ARHGAP39: variants seen among roughly 807,000 people sequenced by gnomAD.
ARHGAP39 encodes the protein rho GTPase-activating protein 39.
ARHGAP39 carries 44 observed loss-of-function variants against 106.9 expected under a neutral mutation model. That is an observed-to-expected ratio of 0.41 (90% CI 0.32 to 0.53). ARHGAP39 has a LOEUF of 0.53. ARHGAP39 is among the 20% of genes least tolerant of loss of function. The pLI is 0.21. For synonymous variants in ARHGAP39, 768 were observed against 693.2 expected, an observed-to-expected ratio of 1.11 and a Z score of -1.69; for missense variants, 1,496 against 1,577.3, an observed-to-expected ratio of 0.95 and a Z score of 0.87.
intron 2 of ARHGAP39, among the ~76,000 whole-genome samples, chr8:144,601,923 G>GCA (rs1586601509): frequency 5.5e-5 from 8 of 144,948 alleles, no homozygotes; most frequent in East Asian, 2.1e-4. Flanking sequence ...GTACCTGTGT[G>GCA]TGTGCATGGA....
rs1160930126 is a variant in ARHGAP39, at chr8:144,547,537, G to A, written c.1549C>T (p.Leu517Phe). ...TCCTCGGCCAGGGGCTGCTCCACAA[G>A]CAGGTCCCCGGGGCCCTCAGTGGGG... The part of the protein sequence containing the change: ...ATPTEGPGDL[L>F]VEQPLAEEQP... The change falls in exon 5 of 12, where the codon CTT becomes TTT. Residue 517 changes from leucine to phenylalanine, a missense_variant. This residue lies in a region of ARHGAP39 where 905 missense variants were observed against 816.4 expected (regional missense o/e 1.11). Transcript: ENST00000377307. This position sits in a 1 kb window ranked among gnomAD's most constrained non-coding sequence, Gnocchi z 5.2. 3 of 1,477,688 alleles carry A rather than the reference G, an allele frequency of 2.0e-6. No homozygotes were observed. Among genetic ancestry groups the A allele is most frequent in the African/African-American group, 1.4e-5 (1 of 71,608 alleles). 91.5% of individuals were successfully genotyped at this position (1,477,688 alleles called of 1,614,324 possible). A position where few individuals can be genotyped will look rare whatever the true frequency, so the allele number is the denominator to read the frequency against.
intron 1 of ARHGAP39, among the ~76,000 whole-genome samples, chr8:144,643,744 T>C (rs1177616282): frequency 6.6e-6 from 1 of 152,226 alleles, no homozygotes; most frequent in Non-Finnish European, 1.5e-5. Context: ...GGACGTGTGA[T>C]AGAAGAAAAA....
At chr8:144,619,300 C>T (rs1042511068) in intron 1 of ARHGAP39, among the ~76,000 whole-genome samples, 1 of 152,244 alleles carries the variant, frequency 6.6e-6, no homozygotes, top group African/African-American at 2.4e-5. Context: ...TGCCAGAGGC[C>T]CCTCGCTCCG....
chr8:144,572,046 C>T (rs1818605839), intron 3 of ARHGAP39, among the ~76,000 whole-genome samples: 1 of 152,194 alleles, frequency 6.6e-6, no homozygotes, highest in South Asian at 2.1e-4. Flanking sequence ...ATTAAAATGG[C>T]CATACTGCCC....
At chr8:144,682,244 CA>C (rs1199836499) in intron 1 of ARHGAP39, among the ~76,000 whole-genome samples, 460 of 30,674 alleles carry the variant, frequency 0.015, 1 homozygote, top group Admixed American at 0.047. Flanking sequence ...GACTCTATCT[CA>C]AAAAAAAAAA....
chr8:144,602,187 CTGTG>C (rs1235822053), intron 2 of ARHGAP39, among the ~76,000 whole-genome samples: 1 of 81,892 alleles, frequency 1.2e-5, no homozygotes, highest in African/African-American at 5.0e-5. Context: ...GCTCGTGTAC[CTGTG>C]TGTGCATGGA....
chr8:144,622,617 G>A (rs183810498), intron 1 of ARHGAP39, among the ~76,000 whole-genome samples: 108 of 152,308 alleles, frequency 7.1e-4, no homozygotes, highest in African/African-American at 2.6e-3. Context: ...GTGGACACTT[G>A]CGTTCTGTCA....
chr8:144,562,259 C>T (rs1198191498), intron 3 of ARHGAP39, among the ~76,000 whole-genome samples: 1 of 83,834 alleles, frequency 1.2e-5, no homozygotes, highest in African/African-American at 3.0e-5. Flanking sequence ...CCAGTGGTTT[C>T]CATCGTGCTC....
intron 2 of ARHGAP39, among the ~76,000 whole-genome samples, chr8:144,603,011 G>A (rs573786152): frequency 1.4e-5 from 2 of 142,704 alleles, no homozygotes; most frequent in East Asian, 4.1e-4. Flanking sequence ...AGGTGTGTGT[G>A]CGAGCTCATG....
intron 2 of ARHGAP39, among the ~76,000 whole-genome samples, chr8:144,601,145 C>T (rs1449971307): frequency 7.6e-6 from 1 of 132,280 alleles, no homozygotes; most frequent in Non-Finnish European, 1.6e-5. Flanking sequence ...TGCATGTGTG[C>T]TCGTGTACCT....
intron 2 of ARHGAP39, among the ~76,000 whole-genome samples, chr8:144,599,717 G>A (rs1300890525): frequency 6.6e-6 from 1 of 152,160 alleles, no homozygotes; most frequent in Non-Finnish European, 1.5e-5. Context: ...CCATAATGAA[G>A]AAAAGAGAAA....
In ARHGAP39 at chr8:144,637,248, TGA is replaced by T. The variant is rs543744877; in HGVS notation, c.-81-31555_-81-31554del. Among the ~76,000 whole-genome samples, 337 of 152,386 alleles carry T rather than the reference TGA, an allele frequency of 2.2e-3. 1 individual carries two copies. Among genetic ancestry groups the T allele is most frequent in the Middle Eastern group, 0.014 (4 of 294 alleles). Reference sequence around the variant, plus strand: ...AACTCCAAATTTTTGCTCTATTTTCTGAGAGATTCTCAACTTTATCTTGCAAC... The same window carrying T: ...AACTCCAAATTTTTGCTCTATTTTCTGAGATTCTCAACTTTATCTTGCAAC... On this transcript the variant is annotated intron_variant, in intron 1 of 11. Coordinates refer to ENST00000377307, the MANE Select transcript of ARHGAP39 (RefSeq NM_025251.3).
At chr8:144,578,298 G>A (rs778288124) in intron 3 of ARHGAP39, among the ~76,000 whole-genome samples, 3 of 152,112 alleles carry the variant, frequency 2.0e-5, no homozygotes, top group Non-Finnish European at 2.9e-5. Context: ...GTGCGATCTC[G>A]GCTCACTGCA....
At chr8:144,594,723 T>C (rs990330825) in intron 2 of ARHGAP39, among the ~76,000 whole-genome samples, 1 of 148,442 alleles carries the variant, frequency 6.7e-6, no homozygotes, top group African/African-American at 2.5e-5. Context: ...TTAAATATAA[T>C]ATACAAAAAT....
the ARHGAP39 span, among the ~76,000 whole-genome samples, chr8:144,695,045 A>G: frequency 6.7e-6 from 1 of 150,230 alleles, no homozygotes; most frequent in African/African-American, 2.5e-5. Flanking sequence ...TTTGGATTGT[A>G]CCATCTATCA....
chr8:144,666,246 T>C (rs1191449961), intron 1 of ARHGAP39, among the ~76,000 whole-genome samples: 1 of 152,230 alleles, frequency 6.6e-6, no homozygotes, highest in East Asian at 1.9e-4. Context: ...ATTAACTCGC[T>C]TGCTTTTGAT....
chr8:144,692,589 C>T, the ARHGAP39 span, among the ~76,000 whole-genome samples: 1 of 152,142 alleles, frequency 6.6e-6, no homozygotes, highest in Non-Finnish European at 1.5e-5. Context: ...GGCTGTGGAC[C>T]GGCTTGCTCT....
intron 6 of ARHGAP39, among the ~76,000 whole-genome samples, chr8:144,538,026 G>C (rs571734515): frequency 3.3e-5 from 5 of 152,336 alleles, no homozygotes; most frequent in African/African-American, 1.2e-4. Context: ...CTGGGAAGCT[G>C]CCGTGCCTGT....
rs59435627 is a variant in ARHGAP39, at chr8:144,559,354, C to CAA, written c.513-3713_513-3712dup. On this transcript the variant is annotated intron_variant, in intron 3 of 11. Coordinates refer to ENST00000377307, the MANE Select transcript of ARHGAP39 (RefSeq NM_025251.3). ...CCGGGTGACAGAGTGACTTTGTCTC[C>CAA]AAAAAAAAAAAAAAAAAAAAAAAAA... Among the ~76,000 whole-genome samples, 423 of 42,930 alleles carry CAA rather than the reference C, an allele frequency of 9.9e-3. 90 individuals carry two copies. The highest frequency in any genetic ancestry group is 0.045 in the African/African-American group (396 of 8,832). The allele number at this position is 42,930 out of a possible 152,430, so 28.2% of individuals were successfully genotyped here. A position where few individuals can be genotyped will look rare whatever the true frequency, so the allele number is the denominator to read the frequency against.
Sources: allele counts gnomAD v4.1 joint callset (sites outside exome capture counted in the v4.1 genomes callset), GRCh38; gene constraint gnomAD v4.1.1; regional missense constraint gnomAD v4.1.1; non-coding constraint Gnocchi (gnomAD v3.1); transcripts MANE v1.5; gene names NCBI Gene and HGNC (gene_info 2026-07-23, HGNC 2026-07-21).